Variants in KATNBL1 observed in about 807,000 individuals in gnomAD.
KATNBL1 encodes the protein katanin regulatory subunit B1 like 1.
A neutral mutation model predicts 44.7 loss-of-function variants in KATNBL1; 28 were observed. The observed-to-expected ratio is 0.63, with a 90% confidence interval of 0.46 to 0.86. The LOEUF (loss-of-function observed/expected upper bound fraction) is 0.86, where lower values mean the gene tolerates loss of function less well. KATNBL1 is among the 40% of genes least tolerant of loss of function. KATNBL1 has a pLI of 0.00. For synonymous variants in KATNBL1, 78 were observed against 114.9 expected (o/e 0.68, Z 2.06); for missense variants, 272 against 350.7 (o/e 0.78, Z 1.79).
chr15:34,149,717 C>A (rs1394637926), intron 4 of KATNBL1, among the ~76,000 whole-genome samples: 1 of 152,246 alleles, frequency 6.6e-6, no homozygotes, highest in Non-Finnish European at 1.5e-5. Context: ...AGCCGCCACA[C>A]CAAGCCCAAC....
In KATNBL1 at chr15:34,142,216, A is replaced by G; in HGVS notation, c.*123T>C. 1.9e-6 allele frequency: 2 copies of G among 1,032,170 alleles called. No homozygotes were observed. Among genetic ancestry groups the G allele is most frequent in the Non-Finnish European group, 2.6e-6 (2 of 764,448 alleles). 63.9% of individuals were successfully genotyped at this position (1,032,170 alleles called of 1,614,324 possible). A position where few individuals can be genotyped will look rare whatever the true frequency, so the allele number is the denominator to read the frequency against. The stretch of plus-strand genomic sequence containing the variant: ...GTGGTTTCATTACGTGGCTTTTTAA[A>G]AGAAAAAATAGTTTTGATTTCTTCC... On this transcript the variant is annotated 3_prime_UTR_variant, in exon 10 of 10. Coordinates refer to ENST00000256544, the MANE Select transcript of KATNBL1 (RefSeq NM_024713.3).
intron 8 of KATNBL1, 62 bp from the exon 9 acceptor site, chr15:34,145,553 A>C: frequency 7.9e-7 from 1 of 1,265,384 alleles, no homozygotes; most frequent in Non-Finnish European, 1.0e-6. Context: ...AACTTTCATC[A>C]TAAATATGCA....
chr15:34,201,533 T>C (rs1213018457), intron 1 of KATNBL1, among the ~76,000 whole-genome samples: 1 of 152,238 alleles, frequency 6.6e-6, no homozygotes, highest in Non-Finnish European at 1.5e-5. Flanking sequence ...TAGAGTATTA[T>C]ATACATATTT....
intron 4 of KATNBL1, among the ~76,000 whole-genome samples, chr15:34,149,701 G>A (rs1597425740): frequency 6.6e-6 from 1 of 152,214 alleles, no homozygotes; most frequent in Non-Finnish European, 1.5e-5. Flanking sequence ...TGGGATTACA[G>A]GCATGAGCCG....
At chr15:34,157,814 A>C (rs1030039924) in intron 2 of KATNBL1, among the ~76,000 whole-genome samples, 4 of 152,192 alleles carry the variant, frequency 2.6e-5, no homozygotes, top group Admixed American at 6.5e-5. Context: ...ATGATTTCCC[A>C]TGTTATATCC....
chr15:34,151,435 ACTTTT>A (rs1888471033), intron 4 of KATNBL1, among the ~76,000 whole-genome samples: 1 of 63,846 alleles, frequency 1.6e-5, no homozygotes, highest in Non-Finnish European at 3.2e-5. Context: ...TCCTTTGCCT[ACTTTT>A]TTTTTTTTTT....
intron 8 of KATNBL1, chr15:34,145,974 G>C (rs1398192660): frequency 8.3e-6 from 1 of 120,844 alleles, no homozygotes; most frequent in Non-Finnish European, 1.7e-5. Context: ...TTTGAGACAA[G>C]GGCTGGCTCT....
At chr15:34,151,481 T>C in intron 4 of KATNBL1, among the ~76,000 whole-genome samples, 1 of 116,030 alleles carries the variant, frequency 8.6e-6, no homozygotes, top group South Asian at 3.0e-4. Flanking sequence ...AGACAGAATC[T>C]CACTCTGTAA....
intron 2 of KATNBL1, among the ~76,000 whole-genome samples, chr15:34,157,649 T>C (rs955151397): frequency 1.3e-5 from 2 of 152,186 alleles, no homozygotes; most frequent in African/African-American, 2.4e-5. Context: ...TAAGCCAACA[T>C]CTCTCTGAGG....
At chr15:34,168,501 C>T (rs1338422008) in intron 1 of KATNBL1, among the ~76,000 whole-genome samples, 1 of 152,142 alleles carries the variant, frequency 6.6e-6, no homozygotes, top group African/African-American at 2.4e-5. Context: ...GAAACTTCAA[C>T]ACTCCACTGT....
chr15:34,145,080 C>T, intron 9 of KATNBL1: 2 of 1,029,946 alleles, frequency 1.9e-6, no homozygotes, highest in South Asian at 3.4e-5. Context: ...AGTTCCTCGT[C>T]TTGTTTTCTG....
rs1888342928 is a variant in KATNBL1, at chr15:34,147,436, A to G, written c.558-6T>C. On this transcript the variant is annotated splice_region_variant and splice_polypyrimidine_tract_variant and intron_variant, in intron 5 of 9. Coordinates refer to ENST00000256544, the MANE Select transcript of KATNBL1 (RefSeq NM_024713.3). ...CAACGCCAAGATCTTCTATCCTGAG[A>G]GTATAAAAAGAATAGCATTGCCTTA... 1 of 1,610,368 alleles carries G rather than the reference A, an allele frequency of 6.2e-7. No individual in the cohort carries two copies. Among genetic ancestry groups the G allele is most frequent in the South Asian group, 1.1e-5 (1 of 90,904 alleles).
intron 1 of KATNBL1, among the ~76,000 whole-genome samples, chr15:34,188,998 C>A (rs889441331): frequency 3.9e-5 from 6 of 152,310 alleles, no homozygotes; most frequent in African/African-American, 1.4e-4. Context: ...TAATAATAAT[C>A]AAGACATCAG....
At chr15:34,167,578 T>C (rs184631435) in intron 1 of KATNBL1, among the ~76,000 whole-genome samples, 3 of 152,140 alleles carry the variant, frequency 2.0e-5, no homozygotes, top group Admixed American at 1.3e-4. Context: ...AACGTTCAAA[T>C]TCAGGAAATA....
intron 2 of KATNBL1, among the ~76,000 whole-genome samples, chr15:34,160,690 G>T (rs1028023656): frequency 1.3e-5 from 2 of 152,054 alleles, no homozygotes; most frequent in African/African-American, 4.8e-5. Context: ...CTATCAGGGG[G>T]AATATTATTG....
At chr15:34,178,807 G>C (rs984659616) in intron 1 of KATNBL1, among the ~76,000 whole-genome samples, 3 of 150,538 alleles carry the variant, frequency 2.0e-5, no homozygotes, top group Admixed American at 6.6e-5. Flanking sequence ...AAGAAGAGAA[G>C]GTAAACATGA....
At chr15:34,201,150 T>C (rs1890168315) in intron 1 of KATNBL1, among the ~76,000 whole-genome samples, 1 of 152,200 alleles carries the variant, frequency 6.6e-6, no homozygotes, top group Non-Finnish European at 1.5e-5. Context: ...CTTAGATTAC[T>C]ACATTAGGGA....
At chr15:34,201,278 T>C (rs80082184) in intron 1 of KATNBL1, among the ~76,000 whole-genome samples, 4,505 of 152,226 alleles carry the variant, frequency 0.03, 235 homozygotes, top group African/African-American at 0.1. Context: ...TACTGGAAAG[T>C]AGGGAGAAAA....
chr15:34,185,843 GGC>G (rs1472318395), intron 1 of KATNBL1, among the ~76,000 whole-genome samples: 3 of 152,182 alleles, frequency 2.0e-5, no homozygotes, highest in Admixed American at 2.0e-4. Context: ...ACAGGAAGCA[GGC>G]GGCCACTTGG....
Sources: gnomAD v4.1 joint callset for allele counts (sites outside exome capture counted in the v4.1 genomes callset) on GRCh38, gnomAD v4.1.1 for gene constraint, MANE v1.5 for transcripts, NCBI Gene and HGNC (gene_info 2026-07-23, HGNC 2026-07-21) for gene names.